Variants in ZNF224 observed in about 807,000 individuals in gnomAD.
ZNF224 encodes the protein zinc finger protein 224, also known as bone marrow zinc finger 2.
A neutral mutation model predicts 10.5 loss-of-function variants in ZNF224; 8 were observed. The ratio of observed to expected loss-of-function variants is 0.76; its 90% CI spans 0.45 to 1.37. The LOEUF (loss-of-function observed/expected upper bound fraction) is 1.37, where lower values mean the gene tolerates loss of function less well. Ranked by LOEUF, ZNF224 falls within the 40% of genes most tolerant of loss-of-function variation. The probability of loss-of-function intolerance (pLI) is 0.00; values close to 1 mark genes in which losing one functional copy is unlikely to be tolerated. For synonymous variants in ZNF224, 282 were observed against 287.8 expected, an observed-to-expected ratio of 0.98 and a Z score of 0.20; for missense variants, 754 against 854.0, an observed-to-expected ratio of 0.88 and a Z score of 1.46.
chr19:44,097,696 T>C, intron 2 of ZNF224, 110 bp from the exon 3 acceptor site: 3 of 622,230 alleles, frequency 4.8e-6, no homozygotes, highest in Non-Finnish European at 8.4e-6. Flanking sequence ...TTATGATTAA[T>C]GCTGCTGTGA....
In ZNF224 at chr19:44,108,473, A is replaced by G; in HGVS notation, c.*189A>G. 1.5e-6 allele frequency: 1 copy of G among 649,686 alleles called. No homozygotes were observed. 40.2% of individuals were successfully genotyped at this position (649,686 alleles called of 1,614,324 possible). On this transcript the variant is annotated 3_prime_UTR_variant, in exon 6 of 6. Coordinates refer to ENST00000693561, the MANE Select transcript of ZNF224 (RefSeq NM_001321645.3). The stretch of plus-strand genomic sequence containing the variant: ...GGAAGAGGGAAAACATTTGTTTAAG[A>G]TAACATCAGTGCTTCAGCCATAGCT...
chr19:44,106,143 G>A, intron 5 of ZNF224: 1 of 496,668 alleles, frequency 2.0e-6, no homozygotes, highest in Non-Finnish European at 3.6e-6. Flanking sequence ...CAGTGTATAA[G>A]CGTTTCTTCT....
In ZNF224 at chr19:44,094,386, G is replaced by A. The variant is rs1018895329; in HGVS notation, c.-302G>A. ...GGAGTCGCGGACACTTCCGCTCGGG[G>A]ACTGAGGTTGCTGCAGTTTTTCCGC... On this transcript the variant is annotated 5_prime_UTR_variant, in exon 1 of 6. Coordinates refer to ENST00000693561, the MANE Select transcript of ZNF224 (RefSeq NM_001321645.3). 1 of 152,222 alleles carries A rather than the reference G, an allele frequency of 6.6e-6. No individual in the cohort carries two copies. The highest frequency in any genetic ancestry group is 2.4e-5 in the African/African-American group (1 of 41,430). The allele number at this position is 152,222 out of a possible 1,614,324, so 9.4% of individuals were successfully genotyped here.
Position 44,108,401 on chromosome 19 carries a change from G to A in ZNF224, c.*117G>A. ...GCACATAGTAAGCACTTCCCTTTGA[G>A]TATTTTATCTCTGAATCCATGCTGG... On this transcript the variant is annotated 3_prime_UTR_variant, in exon 6 of 6. Coordinates refer to ENST00000693561, the MANE Select transcript of ZNF224 (RefSeq NM_001321645.3). The A allele has an allele frequency of 9.5e-7, 1 of 1,047,208 alleles. No homozygotes were observed. The highest frequency in any genetic ancestry group is 1.4e-6 in the Non-Finnish European group (1 of 737,270). 64.9% of individuals were successfully genotyped at this position (1,047,208 alleles called of 1,614,324 possible).
chr19:44,106,849 A>T lies in ZNF224; in HGVS notation c.689A>T (p.Lys230Ile). ...CATCAGAGAGTCCACACTGGAGAGAAACCGTTCAAATGTGTGGAATGTGGG... is the reference window on the plus strand; with the variant it reads ...CATCAGAGAGTCCACACTGGAGAGATACCGTTCAAATGTGTGGAATGTGGG... ...QTHQRVHTGE[K>I]PFKCVECGKG... is the part of the protein sequence containing the mutation. The change falls in exon 6 of 6, where the codon AAA becomes ATA. Residue 230 changes from lysine to isoleucine, a missense_variant. Physicochemically the swap from Lys to Ile is moderately radical, Grantham distance 102 (BLOSUM62 -3). Transcript: ENST00000693561. 3.1e-6 allele frequency: 5 copies of T among 1,613,210 alleles called. No individual in the cohort carries two copies. Among genetic ancestry groups the T allele is most frequent in the Non-Finnish European group, 4.2e-6 (5 of 1,179,396 alleles).
rs1485560392 is a variant in ZNF224, at chr19:44,107,289, T to G, written c.1129T>G (p.Cys377Gly). Residue 377 changes from cysteine to glycine, a missense_variant, in exon 6 of 6, where the codon TGT becomes GGT. Transcript: ENST00000693561. ...AGAAAAGCCATATAATTGTAAAGAG[T>G]GTGGGAAGAGCTTCAGATGGGCCTC... ...TGEKPYNCKECGKSFRWASCL... is the reference protein window; with the variant it reads ...TGEKPYNCKEGGKSFRWASCL... 1.3e-6 allele frequency: 2 copies of G among 1,584,958 alleles called. No individual in the cohort carries two copies. Among genetic ancestry groups the G allele is most frequent in the South Asian group, 1.2e-5 (1 of 85,716 alleles).
At chr19:44,102,236 T>A (rs1240273653) in intron 5 of ZNF224, among the ~76,000 whole-genome samples, 1 of 152,206 alleles carries the variant, frequency 6.6e-6, no homozygotes, top group African/African-American at 2.4e-5. Context: ...CTTTTCAGTT[T>A]TAAAGTCATG....
At chr19:44,100,397 T>A (rs906164932) in intron 3 of ZNF224, among the ~76,000 whole-genome samples, 1 of 152,064 alleles carries the variant, frequency 6.6e-6, no homozygotes, top group African/African-American at 2.4e-5. Context: ...AACAATAACA[T>A]CCAGGGTTCG....
At chr19:44,097,140 T>C in intron 2 of ZNF224, 1 of 179,762 alleles carries the variant, frequency 5.6e-6, no homozygotes, top group Non-Finnish European at 1.2e-5. Flanking sequence ...ATAACATTAT[T>C]AGTGGGCATT....
chr19:44,107,469 T>C lies in ZNF224; in HGVS notation c.1309T>C (p.Tyr437His). 1.2e-6 allele frequency: 2 copies of C among 1,605,632 alleles called. No individual in the cohort carries two copies. The highest frequency in any genetic ancestry group is 1.7e-6 in the Non-Finnish European group (2 of 1,176,468). Residue 437 changes from tyrosine (Y) to histidine (H), a missense_variant, in exon 6 of 6, where the codon TAC becomes CAC. Tyr to His is a moderately conservative substitution (Grantham distance 83). Coordinates refer to ENST00000693561, the MANE Select transcript of ZNF224 (RefSeq NM_001321645.3). ...CAAATGTGTGGAGTGTGGGAAGGGCTACAAAAGGAGGTTGGATCTTGACTT... is the reference window on the plus strand; with the variant it reads ...CAAATGTGTGGAGTGTGGGAAGGGCCACAAAAGGAGGTTGGATCTTGACTT... Reference protein sequence around the residue: ...PYKCVECGKGYKRRLDLDFHQ... With the variant: ...PYKCVECGKGHKRRLDLDFHQ...
chr19:44,101,315 G>A, intron 5 of ZNF224, 90 bp downstream of exon 5: 1 of 1,320,988 alleles, frequency 7.6e-7, no homozygotes, highest in Non-Finnish European at 1.1e-6. Flanking sequence ...GGCCTAAATG[G>A]CCAAACCTCT....
In ZNF224 at chr19:44,097,867, A is replaced by G. The variant is rs757293023; in HGVS notation, c.-7A>G. On this transcript the variant is annotated 5_prime_UTR_variant, in exon 3 of 6. Transcript: ENST00000693561. ...GACTCTGCAAGTTTCCAGAAGTAAGAGGGAAAATGACCACGTTCAAGGTGG... is the reference window on the plus strand; with the variant it reads ...GACTCTGCAAGTTTCCAGAAGTAAGGGGGAAAATGACCACGTTCAAGGTGG... The G allele has an allele frequency of 2.5e-6, 4 of 1,614,034 alleles. No individual in the cohort carries two copies. The East Asian group carries it at 8.9e-5, about 36-fold the overall frequency.
At chr19:44,098,773 T>A (rs1459428348) in intron 3 of ZNF224, among the ~76,000 whole-genome samples, 1 of 152,116 alleles carries the variant, frequency 6.6e-6, no homozygotes, top group East Asian at 1.9e-4. Context: ...GAGACAGGGT[T>A]TCTCCATGTT....
chr19:44,098,474 A>T (rs565662486), intron 3 of ZNF224, among the ~76,000 whole-genome samples: 9 of 152,314 alleles, frequency 5.9e-5, no homozygotes, highest in Admixed American at 2.0e-4. Flanking sequence ...ACACAGGAAG[A>T]GCTAGATTCT....
rs753412302 is a variant in ZNF224, at chr19:44,107,160, C to A, written c.1000C>A (p.His334Asn). 1 of 1,607,042 alleles carries A rather than the reference C, an allele frequency of 6.2e-7. No homozygotes were observed. The highest frequency in any genetic ancestry group is 1.7e-5 in the Admixed American group (1 of 59,328). The change falls in exon 6 of 6, where the codon CAT becomes AAT. Residue 334 changes from histidine to asparagine, a missense_variant. Transcript: ENST00000693561. ...TCGTCAGAGATCAGCACTTAATAGTCATCGCATGATCCACACAGGAGAGAA... is the reference window on the plus strand; with the variant it reads ...TCGTCAGAGATCAGCACTTAATAGTAATCGCATGATCCACACAGGAGAGAA... ...SFRQRSALNS[H>N]RMIHTGEKPY...
rs1227724022 is a variant in ZNF224, at chr19:44,106,786, G to A, written c.626G>A (p.Cys209Tyr). 1.2e-6 allele frequency: 2 copies of A among 1,613,906 alleles called. No individual in the cohort carries two copies. Among genetic ancestry groups the A allele is most frequent in the Non-Finnish European group, 1.7e-6 (2 of 1,179,868 alleles). Residue 209 changes from cysteine (C) to tyrosine (Y), a missense_variant, in exon 6 of 6, where the codon TGT becomes TAT. Physicochemically the swap from Cys to Tyr is radical, Grantham distance 194. Transcript: ENST00000693561. Reference sequence around the variant, plus strand: ...GAGAAATGCTATAAGTGTGACGTGTGTGGTAAGGAATTCAGTCAGAGTTCA... The same window carrying A: ...GAGAAATGCTATAAGTGTGACGTGTATGGTAAGGAATTCAGTCAGAGTTCA... ...MGEKCYKCDV[C>Y]GKEFSQSSHL...
intron 5 of ZNF224, 176 bp from the exon 6 acceptor site, chr19:44,106,220 A>G (rs1967655739): frequency 1.6e-6 from 1 of 636,474 alleles, no homozygotes; most frequent in African/African-American, 1.8e-5. Context: ...TACATATGAT[A>G]CTTGGTTTAG....
intron 3 of ZNF224, among the ~76,000 whole-genome samples, chr19:44,099,712 C>A (rs981491086): frequency 1.3e-5 from 2 of 151,784 alleles, no homozygotes; most frequent in African/African-American, 4.8e-5. Context: ...AAGAAAAAAA[C>A]AATTTCTTCC....
At position 44,106,581 on chromosome 19, in the gene ZNF224, A is replaced by G. The variant is rs1967667554; in HGVS notation, c.421A>G (p.Ile141Val). 6.2e-7 allele frequency: 1 copy of G among 1,612,528 alleles called. No individual in the cohort carries two copies. The highest frequency in any genetic ancestry group is 8.5e-7 in the Non-Finnish European group (1 of 1,179,094). The change falls in exon 6 of 6, where the codon ATT becomes GTT. Residue 141 changes from isoleucine to valine, a missense_variant. Physicochemically the swap from Ile to Val is conservative, Grantham distance 29. Coordinates refer to ENST00000693561, the MANE Select transcript of ZNF224 (RefSeq NM_001321645.3). ...PCQTEAGLSV[I>V]HTRQKSSQGN... ...CCAGACTGAGGCAGGACTATCTGTA[A>G]TTCACACAAGACAGAAATCTTCCCA...
Sources: gnomAD v4.1 joint callset for allele counts (sites outside exome capture counted in the v4.1 genomes callset) on GRCh38, gnomAD v4.1.1 for gene constraint, MANE v1.5 for transcripts, NCBI Gene and HGNC (gene_info 2026-07-23, HGNC 2026-07-21) for gene names.